The following GBE1 variants were observed in gnomAD, a reference collection of about 807,000 sequenced individuals.
The protein encoded by GBE1 is 1,4-alpha-glucan branching enzyme 1.
A neutral mutation model predicts 88.8 loss-of-function variants in GBE1; 70 were observed. The observed-to-expected ratio is 0.79, with a 90% CI of 0.65 to 0.96. The LOEUF is 0.96. Ranked by LOEUF, GBE1 falls within the 40% of genes least tolerant of loss-of-function variation. GBE1 has a pLI of 0.00. For synonymous variants in GBE1, 284 were observed against 300.1 expected (o/e 0.95, Z 0.56); for missense variants, 872 against 871.0 (o/e 1.00, Z -0.01).
At chr3:81,579,017 T>A (rs896226674) in intron 11 of GBE1, among the ~76,000 whole-genome samples, 19 of 151,964 alleles carry the variant, frequency 1.3e-4, no homozygotes, top group Non-Finnish European at 2.4e-4. Context: ...TTGTTTTGAA[T>A]TCTTTAATTA....
chr3:81,682,925 T>G (rs1576198241), intron 2 of GBE1, among the ~76,000 whole-genome samples: 1 of 152,200 alleles, frequency 6.6e-6, no homozygotes, highest in Non-Finnish European at 1.5e-5. Flanking sequence ...TTAATAGGAA[T>G]GAAGTACTAA....
intron 1 of GBE1, among the ~76,000 whole-genome samples, chr3:81,757,752 A>T (rs1354328324): frequency 6.6e-6 from 1 of 152,194 alleles, no homozygotes; most frequent in Non-Finnish European, 1.5e-5. Context: ...ACATGTTGAG[A>T]TTTGTATTTA....
chr3:81,696,904 A>G (rs1215388540), intron 2 of GBE1, among the ~76,000 whole-genome samples: 1 of 152,192 alleles, frequency 6.6e-6, no homozygotes, highest in Non-Finnish European at 1.5e-5. Context: ...TATTTCCTAT[A>G]TTCTGACACC....
intron 1 of GBE1, among the ~76,000 whole-genome samples, chr3:81,742,273 T>C (rs571428958): frequency 6.6e-6 from 1 of 152,204 alleles, no homozygotes; most frequent in Non-Finnish European, 1.5e-5. Flanking sequence ...ACCTACTAAA[T>C]GAACTTGAAC....
chr3:81,627,948 C>T (rs1232558384), intron 7 of GBE1, among the ~76,000 whole-genome samples: 3 of 151,860 alleles, frequency 2.0e-5, no homozygotes, highest in Non-Finnish European at 1.5e-5. Context: ...CAGGAGTGAG[C>T]CACATTGCTT....
At chr3:81,648,528 G>C (rs992202451) in intron 5 of GBE1, among the ~76,000 whole-genome samples, 3 of 152,008 alleles carry the variant, frequency 2.0e-5, no homozygotes, top group African/African-American at 7.2e-5. Context: ...ACAGGCTATA[G>C]TCAATAATCA....
At chr3:81,505,362 A>T (rs997431469) in intron 14 of GBE1, among the ~76,000 whole-genome samples, 1 of 152,220 alleles carries the variant, frequency 6.6e-6, no homozygotes, top group African/African-American at 2.4e-5. Flanking sequence ...GGGTAAGAAC[A>T]GTTGCTGAAA....
intron 2 of GBE1, among the ~76,000 whole-genome samples, chr3:81,673,520 G>A (rs1474439508): frequency 6.6e-6 from 1 of 151,908 alleles, no homozygotes; most frequent in East Asian, 1.9e-4. Flanking sequence ...TCAATGATAT[G>A]TGAAATTTAG....
At chr3:81,530,270 AT>A (rs71108322) in intron 14 of GBE1, among the ~76,000 whole-genome samples, 5,072 of 141,924 alleles carry the variant, frequency 0.036, 111 homozygotes, top group East Asian at 0.063. Flanking sequence ...TTGCTATTTC[AT>A]TTTTTTTTTT....
chr3:81,536,569 A>C (rs1703077502), intron 13 of GBE1, among the ~76,000 whole-genome samples: 1 of 152,032 alleles, frequency 6.6e-6, no homozygotes, highest in African/African-American at 2.4e-5. Flanking sequence ...TATTTACATA[A>C]AAAAGTGTTC....
intron 1 of GBE1, among the ~76,000 whole-genome samples, chr3:81,718,572 A>G (rs974328474): frequency 6.6e-6 from 1 of 152,144 alleles, no homozygotes; most frequent in Admixed American, 6.5e-5. Context: ...CCAAGATTTT[A>G]CCTCCAAAGC....
At chr3:81,540,791 A>G (rs1303220642) in intron 12 of GBE1, among the ~76,000 whole-genome samples, 3 of 152,094 alleles carry the variant, frequency 2.0e-5, no homozygotes, top group Non-Finnish European at 2.9e-5. Context: ...TGATTGGGTA[A>G]ATCAGATTAC....
At chr3:81,525,776 G>A (rs1282642564) in intron 14 of GBE1, among the ~76,000 whole-genome samples, 1 of 151,878 alleles carries the variant, frequency 6.6e-6, no homozygotes, top group Non-Finnish European at 1.5e-5. Context: ...TGTATGTGTC[G>A]AGGAATTTAT....
chr3:81,603,791 C>T (rs1704064568), intron 7 of GBE1, among the ~76,000 whole-genome samples: 1 of 152,066 alleles, frequency 6.6e-6, no homozygotes, highest in Non-Finnish European at 1.5e-5. Flanking sequence ...CCACCATGCC[C>T]AGCCTATAAA....
At chr3:81,740,237 T>C (rs533343061) in intron 1 of GBE1, among the ~76,000 whole-genome samples, 4 of 151,826 alleles carry the variant, frequency 2.6e-5, no homozygotes, top group African/African-American at 4.8e-5. Flanking sequence ...ATAATAATAA[T>C]AATAGATTAA....
chr3:81,617,294 CTTCT>C (rs1224323651), intron 7 of GBE1, among the ~76,000 whole-genome samples: 2 of 151,946 alleles, frequency 1.3e-5, no homozygotes, highest in African/African-American at 4.8e-5. Context: ...TGATAGTGGA[CTTCT>C]TTGTCTTGTT....
rs555847583 is a variant in GBE1, at chr3:81,648,554, G to A, written c.691+302C>T. On this transcript the variant is annotated intron_variant, in intron 5 of 15. Coordinates refer to ENST00000429644, the MANE Select transcript of GBE1 (RefSeq NM_000158.4). ...TCAATAATCACTTAAATTGATAAAG[G>A]TTTCCTCCAGTAAAAAAGTAATTAT... Among the ~76,000 whole-genome samples, 10 of 151,832 alleles carry A rather than the reference G, an allele frequency of 6.6e-5. No individual in the cohort carries two copies. The South Asian group carries it at 1.2e-3, about 19-fold the overall frequency.
chr3:81,756,621 CAGAAA>C (rs1158227022), intron 1 of GBE1, among the ~76,000 whole-genome samples: 2 of 152,056 alleles, frequency 1.3e-5, no homozygotes, highest in Non-Finnish European at 2.9e-5. Flanking sequence ...TCCAAGGTGG[CAGAAA>C]AGAAGAGGGA....
At chr3:81,697,017 C>A (rs1476735063) in intron 2 of GBE1, among the ~76,000 whole-genome samples, 2 of 152,124 alleles carry the variant, frequency 1.3e-5, no homozygotes, top group African/African-American at 4.8e-5. Flanking sequence ...CCAATTCAAT[C>A]CTGACACAAT....
Sources: allele counts gnomAD v4.1 joint callset (sites outside exome capture counted in the v4.1 genomes callset), GRCh38; gene constraint gnomAD v4.1.1; transcripts MANE v1.5; gene names NCBI Gene and HGNC (gene_info 2026-07-23, HGNC 2026-07-21).